The following EHBP1 variants were observed in gnomAD, a reference collection of about 807,000 sequenced individuals.
EHBP1 encodes the protein EH domain-binding protein 1.
In EHBP1, 55 loss-of-function variants were observed where a neutral mutation model predicts 144.0. The observed-to-expected ratio is 0.38, with a 90% CI of 0.31 to 0.48. The LOEUF (loss-of-function observed/expected upper bound fraction) is 0.48. Ranked by LOEUF, EHBP1 falls within the 20% of genes least tolerant of loss-of-function variation. EHBP1 has a pLI of 0.98. For missense variants in EHBP1, 1,200 were observed against 1,364.2 expected, an observed-to-expected ratio of 0.88 and a Z score of 1.90; for synonymous variants, 469 against 472.7, an observed-to-expected ratio of 0.99 and a Z score of 0.10.
chr2:62,913,677 T>G (rs1312949583), intron 10 of EHBP1, among the ~76,000 whole-genome samples: 1 of 152,182 alleles, frequency 6.6e-6, no homozygotes, highest in Non-Finnish European at 1.5e-5. Context: ...GATACAAAGT[T>G]TTGCATCTAT....
At chr2:62,947,027 C>G (rs2057109945) in intron 12 of EHBP1, among the ~76,000 whole-genome samples, 2 of 152,140 alleles carry the variant, frequency 1.3e-5, no homozygotes, top group African/African-American at 4.8e-5. Context: ...GGTGCTTTCC[C>G]TGATGGCCTG....
At chr2:62,871,596 C>G (rs1169960461) in intron 9 of EHBP1, among the ~76,000 whole-genome samples, 3 of 152,200 alleles carry the variant, frequency 2.0e-5, no homozygotes, top group Admixed American at 2.0e-4. Flanking sequence ...TAGCAGAAAT[C>G]TTCCAAAATT....
At chr2:62,974,212 C>T (rs1179639184) in intron 14 of EHBP1, among the ~76,000 whole-genome samples, 7 of 152,026 alleles carry the variant, frequency 4.6e-5, no homozygotes, top group Non-Finnish European at 1.0e-4. Context: ...GGAAGCATAC[C>T]ATCACATTGC....
intron 4 of EHBP1, among the ~76,000 whole-genome samples, chr2:62,765,348 G>A (rs764206127): frequency 2.0e-5 from 3 of 152,032 alleles, no homozygotes; most frequent in Non-Finnish European, 1.5e-5. Flanking sequence ...GCTTTAAAAC[G>A]TATTTCATTG....
chr2:62,989,137 C>A (rs2059313646), intron 15 of EHBP1, among the ~76,000 whole-genome samples: 1 of 151,922 alleles, frequency 6.6e-6, no homozygotes, highest in African/African-American at 2.4e-5. Context: ...ATGTTTAACC[C>A]AAAATTAGAA....
At position 63,032,436 on chromosome 2, in the gene EHBP1, C is replaced by T. The variant is rs2061291136; in HGVS notation, c.3104-5099C>T. On this transcript the variant is annotated intron_variant, in intron 19 of 22. Coordinates refer to ENST00000431489, the MANE Select transcript of EHBP1 (RefSeq NM_001142616.3). Reference sequence around the variant, plus strand: ...ACAAAAAATTAGCTGGGCGTGCTGGCGGGCGCCTGTAGTCCCAGCTACTTG... The same window carrying T: ...ACAAAAAATTAGCTGGGCGTGCTGGTGGGCGCCTGTAGTCCCAGCTACTTG... Among the ~76,000 whole-genome samples, 3 of 151,086 alleles carry T rather than the reference C, an allele frequency of 2.0e-5. No homozygotes were observed. The South Asian group carries it at 6.3e-4, about 32-fold the overall frequency.
At chr2:62,764,175 C>A (rs2040987874) in intron 3 of EHBP1, 91 bp from the exon 4 acceptor site, 1 of 903,364 alleles carries the variant, frequency 1.1e-6, no homozygotes, top group East Asian at 2.9e-5. Context: ...ATTTCCTGTA[C>A]TTCATATTGA....
At chr2:62,882,456 GAC>G (rs2051527900) in intron 10 of EHBP1, among the ~76,000 whole-genome samples, 1 of 152,184 alleles carries the variant, frequency 6.6e-6, no homozygotes, top group Non-Finnish European at 1.5e-5. Context: ...TATCCATTCT[GAC>G]CATAAAGAAT....
At chr2:62,697,490 C>A (rs913660128) in intron 1 of EHBP1, among the ~76,000 whole-genome samples, 1 of 152,182 alleles carries the variant, frequency 6.6e-6, no homozygotes, top group Non-Finnish European at 1.5e-5. Flanking sequence ...TCTTTTATAA[C>A]ACTTTTCTCA....
intron 19 of EHBP1, among the ~76,000 whole-genome samples, chr2:63,010,172 C>T (rs1379392143): frequency 2.7e-5 from 4 of 150,446 alleles, no homozygotes; most frequent in East Asian, 1.9e-4. Flanking sequence ...AATACTACCA[C>T]GTAACTATAA....
upstream of EHBP1, among the ~76,000 whole-genome samples, chr2:62,703,004 G>T (rs1245800754): frequency 6.6e-6 from 1 of 152,094 alleles, no homozygotes; most frequent in Non-Finnish European, 1.5e-5. Flanking sequence ...TAAGAACAGG[G>T]ACTGTAACTT....
intron 10 of EHBP1, among the ~76,000 whole-genome samples, chr2:62,930,487 A>G (rs2055896427): frequency 6.6e-6 from 1 of 152,210 alleles, no homozygotes; most frequent in Admixed American, 6.5e-5. Context: ...CAATTCTTAT[A>G]AAGATCCCAA....
At chr2:62,761,240 G>A (rs2040744068) in intron 3 of EHBP1, among the ~76,000 whole-genome samples, 1 of 152,062 alleles carries the variant, frequency 6.6e-6, no homozygotes, top group Non-Finnish European at 1.5e-5. Context: ...GGAAATAGGG[G>A]ACTAGAGAAA....
upstream of EHBP1, among the ~76,000 whole-genome samples, chr2:62,704,598 C>T (rs1268193226): frequency 6.6e-6 from 1 of 152,138 alleles, no homozygotes; most frequent in Non-Finnish European, 1.5e-5. Context: ...ACTGTCTGCC[C>T]ATAGCTTGCT....
At chr2:62,831,201 C>G in intron 7 of EHBP1, 43 bp downstream of exon 7, 1 of 1,543,026 alleles carries the variant, frequency 6.5e-7, no homozygotes, top group Middle Eastern at 2.0e-4. Flanking sequence ...TCTTTTGTTG[C>G]AGAGTTCAAA....
At chr2:62,859,977 T>C (rs965248598) in intron 8 of EHBP1, among the ~76,000 whole-genome samples, 1 of 152,180 alleles carries the variant, frequency 6.6e-6, no homozygotes. Context: ...TCTTCATGAA[T>C]TTTAAAGAAT....
At position 62,755,509 on chromosome 2, in the gene EHBP1, T is replaced by C. The variant is rs150014941; in HGVS notation, c.162+8057T>C. 3.8e-3 allele frequency among the ~76,000 whole-genome samples: 578 copies of C among 152,296 alleles called. 5 individuals are homozygous for C. The highest frequency in any genetic ancestry group is 0.013 in the African/African-American group (539 of 41,558). Reference sequence around the variant, plus strand: ...GAAAAGTATTTTTTTATCTTGGGCATATCCCAAGGAAAGGCATAACCAGGT... The same window carrying C: ...GAAAAGTATTTTTTTATCTTGGGCACATCCCAAGGAAAGGCATAACCAGGT... On this transcript the variant is annotated intron_variant, in intron 3 of 22. Transcript: ENST00000431489.
intron 7 of EHBP1, among the ~76,000 whole-genome samples, chr2:62,857,860 A>G (rs1173517641): frequency 2.0e-5 from 3 of 151,898 alleles, no homozygotes; most frequent in African/African-American, 7.3e-5. Flanking sequence ...AACAGATCCT[A>G]TTAAAAAAAA....
chr2:63,032,824 A>G (rs2061316929), intron 19 of EHBP1, among the ~76,000 whole-genome samples: 1 of 152,126 alleles, frequency 6.6e-6, no homozygotes, highest in African/African-American at 2.4e-5. Flanking sequence ...AGACAGGTAA[A>G]TAAAAGATAT....
Sources: allele counts gnomAD v4.1 joint callset (sites outside exome capture counted in the v4.1 genomes callset), GRCh38; gene constraint gnomAD v4.1.1; transcripts MANE v1.5; gene names NCBI Gene and HGNC (gene_info 2026-07-23, HGNC 2026-07-21).